The following ICA1 variants were observed in gnomAD, a reference collection of about 807,000 sequenced individuals.
The protein encoded by ICA1 is 69 kDa islet cell autoantigen.
Under a neutral mutation model 71.0 loss-of-function variants are expected in ICA1, and 40 were observed. That is an observed-to-expected ratio of 0.56 (90% CI 0.44 to 0.73). The LOEUF is 0.73. Among genes scored for constraint, ICA1 ranks in the 30% least tolerant of loss-of-function variants. ICA1 has a pLI of 0.00. For missense variants in ICA1, 578 were observed against 576.5 expected, an observed-to-expected ratio of 1.00 and a Z score of -0.03; for synonymous variants, 207 against 209.5, an observed-to-expected ratio of 0.99 and a Z score of 0.10.
rs1038764642 is a variant in ICA1 at position 8,256,305 on chromosome 7, A to G, written c.-80+5789T>C. On this transcript the variant is annotated intron_variant, in intron 1 of 13. Coordinates refer to ENST00000402384, the MANE Select transcript of ICA1 (RefSeq NM_001136020.3). ...GTTTTAATTGCTTTCTCTTGCCACT[A>G]GAGAAATTCCAAACATTTTTTGAAA... is the stretch of plus-strand genomic sequence containing the variant. 7.9e-5 allele frequency among the ~76,000 whole-genome samples: 12 copies of G among 152,274 alleles called. No individual in the cohort carries two copies. In the East Asian group the frequency reaches 2.1e-3, roughly 27 times the overall value.
At chr7:8,215,907 C>T (rs566116247) in intron 6 of ICA1, among the ~76,000 whole-genome samples, 4 of 152,240 alleles carry the variant, frequency 2.6e-5, no homozygotes, top group South Asian at 4.1e-4. Context: ...GGTAACACAT[C>T]CCTGGGAGAG....
rs1779520612 is a variant in ICA1 at position 8,173,487 on chromosome 7, G to C, written c.580-14835C>G. Among the ~76,000 whole-genome samples, 2 of 152,182 alleles carry C rather than the reference G, an allele frequency of 1.3e-5. No homozygotes were observed. The highest frequency in any genetic ancestry group is 4.1e-4 in the South Asian group (2 of 4,836). ...AAAACCCTCACTGGGCACCTGTAGA[G>C]AATGCTAATGAACCAATTCAATATT... On this transcript the variant is annotated intron_variant, in intron 6 of 13. Transcript: ENST00000402384. This position sits in a 1 kb window ranked among gnomAD's most constrained non-coding sequence, Gnocchi z 4.0.
intron 3 of ICA1, among the ~76,000 whole-genome samples, chr7:8,229,245 C>G (rs908208483): frequency 9.2e-5 from 14 of 152,326 alleles, no homozygotes; most frequent in African/African-American, 2.6e-4. Context: ...CCCATCACTC[C>G]TTATTTTCCC....
intron 8 of ICA1, among the ~76,000 whole-genome samples, chr7:8,148,129 T>A (rs1047095878): frequency 1.3e-5 from 2 of 152,190 alleles, no homozygotes; most frequent in Non-Finnish European, 2.9e-5. Flanking sequence ...TGAACTGGAA[T>A]AAGCAGTTTG....
At chr7:8,242,301 G>A (rs539943060) in intron 1 of ICA1, among the ~76,000 whole-genome samples, 1 of 152,292 alleles carries the variant, frequency 6.6e-6, no homozygotes, top group South Asian at 2.1e-4. Flanking sequence ...TGAACTATCT[G>A]CTCCTGAATG....
chr7:8,214,791 T>C (rs577622440), intron 6 of ICA1, among the ~76,000 whole-genome samples: 98 of 152,358 alleles, frequency 6.4e-4, no homozygotes, highest in African/African-American at 2.3e-3. Flanking sequence ...TCATGCTCAC[T>C]GTGTGCTATT....
intron 1 of ICA1, among the ~76,000 whole-genome samples, chr7:8,242,888 G>T (rs956742706): frequency 6.6e-6 from 1 of 152,266 alleles, no homozygotes; most frequent in African/African-American, 2.4e-5. Context: ...TCTCTGAATA[G>T]ACCAATAACA....
intron 6 of ICA1, among the ~76,000 whole-genome samples, chr7:8,186,845 T>C (rs1447540151): frequency 6.6e-6 from 1 of 152,214 alleles, no homozygotes; most frequent in African/African-American, 2.4e-5. Context: ...AGTTGTATTC[T>C]TATTCCAGTA....
intron 10 of ICA1, 109 bp downstream of exon 10, chr7:8,141,656 T>C (rs6972885): frequency 0.13 from 88,777 of 666,262 alleles, 6,949 homozygotes; most frequent in Non-Finnish European, 0.16. Context: ...CTTTTCTCAG[T>C]TGAAAAAGAA....
intron 13 of ICA1, among the ~76,000 whole-genome samples, chr7:8,119,810 T>C (rs1382905331): frequency 1.3e-5 from 2 of 152,194 alleles, no homozygotes; most frequent in African/African-American, 4.8e-5. Flanking sequence ...CGTGCCACTG[T>C]ACTCCAGCCT....
In ICA1 at chr7:8,173,099, T is replaced by C. The variant is rs1007121139; in HGVS notation, c.580-14447A>G. On this transcript the variant is annotated intron_variant, in intron 6 of 13. Transcript: ENST00000402384. This position sits in a 1 kb window ranked among gnomAD's most constrained non-coding sequence, Gnocchi z 4.0. ...ATGCATTTTCTGGCTCTGTTCACTG[T>C]AAAGGTCTACAAGTAACGGCTAACT... Among the ~76,000 whole-genome samples, 2 of 152,184 alleles carry C rather than the reference T, an allele frequency of 1.3e-5. No individual in the cohort carries two copies. The highest frequency in any genetic ancestry group is 4.1e-4 in the South Asian group (2 of 4,830).
At chr7:8,153,678 C>T (rs1242311728) in intron 8 of ICA1, among the ~76,000 whole-genome samples, 6 of 152,150 alleles carry the variant, frequency 3.9e-5, no homozygotes, top group Non-Finnish European at 5.9e-5. Flanking sequence ...AACTCTTAGT[C>T]TAAGTTACTT....
chr7:8,209,639 A>T (rs992227103), intron 6 of ICA1, among the ~76,000 whole-genome samples: 2 of 152,228 alleles, frequency 1.3e-5, no homozygotes, highest in African/African-American at 4.8e-5. Context: ...CATTTGATAA[A>T]CATTTATTGA....
chr7:8,159,419 T>C (rs1212537310), intron 6 of ICA1, among the ~76,000 whole-genome samples: 1 of 152,176 alleles, frequency 6.6e-6, no homozygotes, highest in Non-Finnish European at 1.5e-5. Context: ...CATTGAAAAT[T>C]GTGAGGTCAA....
intron 6 of ICA1, among the ~76,000 whole-genome samples, chr7:8,187,248 T>C (rs1784190575): frequency 6.6e-6 from 1 of 152,230 alleles, no homozygotes; most frequent in Non-Finnish European, 1.5e-5. Context: ...ATATTACACA[T>C]GAGATGGCCT....
At chr7:8,244,113 CAAG>C (rs1168527897) in intron 1 of ICA1, among the ~76,000 whole-genome samples, 5 of 152,286 alleles carry the variant, frequency 3.3e-5, no homozygotes, top group African/African-American at 1.2e-4. Flanking sequence ...CAATCCTGGG[CAAG>C]AAGAACAAAC....
At chr7:8,122,814 T>A (rs990858478) in intron 13 of ICA1, among the ~76,000 whole-genome samples, 1 of 152,244 alleles carries the variant, frequency 6.6e-6, no homozygotes, top group African/African-American at 2.4e-5. Flanking sequence ...CAAGGCTGTA[T>A]GTTTTTGGGA....
intron 6 of ICA1, among the ~76,000 whole-genome samples, chr7:8,208,774 C>T (rs751868998): frequency 1.2e-4 from 19 of 152,100 alleles, no homozygotes; most frequent in Admixed American, 3.3e-4. Context: ...CAGAGGCCAG[C>T]GGAACAGTCA....
intron 13 of ICA1, 130 bp downstream of exon 13, chr7:8,127,743 C>T: frequency 1.0e-6 from 1 of 957,120 alleles, no homozygotes; most frequent in Non-Finnish European, 1.6e-6. Context: ...GATTCTGAGT[C>T]TCCAGTTAAA....
Sources: allele counts gnomAD v4.1 joint callset (sites outside exome capture counted in the v4.1 genomes callset), GRCh38; gene constraint gnomAD v4.1.1; non-coding constraint Gnocchi (gnomAD v3.1); transcripts MANE v1.5; gene names NCBI Gene and HGNC (gene_info 2026-07-23, HGNC 2026-07-21).